Variants in RGS6 observed in about 807,000 individuals in gnomAD.
RGS6 encodes the protein regulator of G protein signaling 6.
In RGS6, 30 loss-of-function variants were observed where a neutral mutation model predicts 78.5. The observed-to-expected ratio is 0.38, with a 90% CI of 0.29 to 0.52. The LOEUF (loss-of-function observed/expected upper bound fraction) is 0.52. Ranked by LOEUF, RGS6 falls within the 20% of genes least tolerant of loss-of-function variation. The pLI is 0.85. For synonymous variants in RGS6, 206 were observed against 206.0 expected, an observed-to-expected ratio of 1.00 and a Z score of 0.00; for missense variants, 495 against 609.7, an observed-to-expected ratio of 0.81 and a Z score of 1.98.
intron 2 of RGS6, among the ~76,000 whole-genome samples, chr14:72,336,534 A>C (rs2529475): frequency 0.44 from 62,063 of 141,404 alleles, 12,983 homozygotes; most frequent in South Asian, 0.56. Flanking sequence ...AGAGAGAGAG[A>C]GCGCGCATAG....
At chr14:72,415,522 G>T (rs11627474) in intron 3 of RGS6, among the ~76,000 whole-genome samples, 1 of 152,182 alleles carries the variant, frequency 6.6e-6, no homozygotes, top group East Asian at 1.9e-4. Flanking sequence ...TTTGGCTCAC[G>T]CACGGTGCGC....
intron 2 of RGS6, among the ~76,000 whole-genome samples, chr14:72,221,312 G>T (rs962416489): frequency 2.0e-5 from 3 of 152,068 alleles, no homozygotes; most frequent in African/African-American, 4.8e-5. Flanking sequence ...ATCTGTTTTT[G>T]CAATGGCTCT....
the RGS6 span, among the ~76,000 whole-genome samples, chr14:72,582,280 T>C: frequency 6.6e-6 from 1 of 152,170 alleles, no homozygotes; most frequent in Non-Finnish European, 1.5e-5. Context: ...CATGAGCTAT[T>C]ACAGTGTATT....
chr14:72,043,517 C>A (rs1197932084), intron 2 of RGS6, among the ~76,000 whole-genome samples: 1 of 151,992 alleles, frequency 6.6e-6, no homozygotes, highest in East Asian at 1.9e-4. Flanking sequence ...ATATAGAAAT[C>A]TATGTTGGTG....
intron 2 of RGS6, among the ~76,000 whole-genome samples, chr14:72,013,317 CAT>C (rs2086245740): frequency 7.0e-6 from 1 of 142,748 alleles, no homozygotes; most frequent in Non-Finnish European, 1.5e-5. Context: ...TAAAATAAAG[CAT>C]AGTTATAGTA....
rs74618638 is a variant in RGS6, at chr14:72,313,676, C to T, written c.85-38419C>T. On this transcript the variant is annotated intron_variant, in intron 2 of 17. Transcript: ENST00000553525. ...TATGTCTGTATTTCCCAAGTTCTTT[C>T]AAAGATAACCCAATAAAATAAAGAA... Among the ~76,000 whole-genome samples the T allele has an allele frequency of 5.1e-3, 770 of 152,250 alleles. 5 individuals are homozygous for T. The highest frequency in any genetic ancestry group is 0.018 in the African/African-American group (745 of 41,538).
intron 2 of RGS6, among the ~76,000 whole-genome samples, chr14:72,311,041 G>A (rs1342918582): frequency 2.6e-5 from 4 of 152,320 alleles, no homozygotes; most frequent in East Asian, 1.9e-4. Context: ...ATACAGAAAG[G>A]GAGGGAAGCA....
chr14:72,412,874 A>G (rs374453234), intron 3 of RGS6, among the ~76,000 whole-genome samples: 9,430 of 151,326 alleles, frequency 0.062, 444 homozygotes, highest in African/African-American at 0.13. Flanking sequence ...GTAGTTGAGC[A>G]GTTTTGAGTG....
chr14:72,163,433 G>A (rs1269189999), intron 2 of RGS6, among the ~76,000 whole-genome samples: 1 of 152,226 alleles, frequency 6.6e-6, no homozygotes, highest in Non-Finnish European at 1.5e-5. Context: ...GGAATCCACA[G>A]AAATTTTGAG....
At chr14:71,968,313 A>G (rs1262732375) in intron 2 of RGS6, among the ~76,000 whole-genome samples, 2 of 152,176 alleles carry the variant, frequency 1.3e-5, no homozygotes, top group African/African-American at 4.8e-5. Flanking sequence ...TCTGAGTTTC[A>G]AGATGTTCTC....
Position 72,314,032 on chromosome 14 carries a change from C to T in RGS6, c.85-38063C>T, listed in dbSNP as rs113575989. 6.6e-3 allele frequency among the ~76,000 whole-genome samples: 1,010 copies of T among 152,278 alleles called. 13 individuals are homozygous for T. The highest frequency in any genetic ancestry group is 0.023 in the African/African-American group (962 of 41,560). ...AATATTTGTTATGCATTATTTTATT[C>T]AGCATTCACAGTATCTGTGGGTTTG... On this transcript the variant is annotated intron_variant, in intron 2 of 17. Transcript: ENST00000553525.
intron 2 of RGS6, among the ~76,000 whole-genome samples, chr14:72,316,980 A>C (rs2070459599): frequency 6.6e-6 from 1 of 150,830 alleles, no homozygotes; most frequent in Non-Finnish European, 1.5e-5. Context: ...AAAATGGAGA[A>C]TGCAACTCTA....
chr14:72,164,289 G>A (rs2096894472), intron 2 of RGS6, among the ~76,000 whole-genome samples: 1 of 152,228 alleles, frequency 6.6e-6, no homozygotes, highest in Non-Finnish European at 1.5e-5. Flanking sequence ...CTGCTCTACA[G>A]TGGTAAAAAG....
chr14:72,627,497 C>A, the RGS6 span, among the ~76,000 whole-genome samples: 1 of 152,042 alleles, frequency 6.6e-6, no homozygotes, highest in Non-Finnish European at 1.5e-5. Context: ...TCTATTCTAT[C>A]TCAGCTGGTC....
chr14:71,921,622 C>T, the RGS6 span, among the ~76,000 whole-genome samples: 1 of 152,254 alleles, frequency 6.6e-6, no homozygotes, highest in East Asian at 1.9e-4. Flanking sequence ...CAGAAAAATA[C>T]CGCATGATCT....
At chr14:72,160,038 T>C (rs1326889280) in intron 2 of RGS6, among the ~76,000 whole-genome samples, 1 of 152,272 alleles carries the variant, frequency 6.6e-6, no homozygotes, top group Non-Finnish European at 1.5e-5. Context: ...GATTGTGAGC[T>C]ACTTTATGGG....
chr14:72,076,333 C>A (rs2094572948), intron 2 of RGS6, among the ~76,000 whole-genome samples: 1 of 152,138 alleles, frequency 6.6e-6, no homozygotes, highest in Non-Finnish European at 1.5e-5. Flanking sequence ...ATTTTCATTT[C>A]TCCTATTCAG....
At chr14:72,085,265 T>C (rs2094981819) in intron 2 of RGS6, among the ~76,000 whole-genome samples, 1 of 152,230 alleles carries the variant, frequency 6.6e-6, no homozygotes, top group Non-Finnish European at 1.5e-5. Flanking sequence ...TGGCATACTT[T>C]ATTTTAATCG....
chr14:72,189,267 G>C (rs1458775388), intron 2 of RGS6, among the ~76,000 whole-genome samples: 2 of 152,124 alleles, frequency 1.3e-5, no homozygotes, highest in African/African-American at 2.4e-5. Context: ...TGGGCAGTTC[G>C]TTTATTGCTT....
Sources: allele counts gnomAD v4.1 joint callset (sites outside exome capture counted in the v4.1 genomes callset), GRCh38; gene constraint gnomAD v4.1.1; transcripts MANE v1.5; gene names NCBI Gene and HGNC (gene_info 2026-07-23, HGNC 2026-07-21).